The following EIF3CL variants were observed in gnomAD, a reference collection of about 807,000 sequenced individuals.
The protein encoded by EIF3CL is eukaryotic translation initiation factor 3 subunit C-like protein.
For missense variants in EIF3CL, 5 were observed against 56.1 expected, an observed-to-expected ratio of 0.09 and a Z score of 2.91; for synonymous variants, 2 against 19.6, an observed-to-expected ratio of 0.10 and a Z score of 2.37.
intron 15 of EIF3CL, among the ~76,000 whole-genome samples, chr16:28,386,317 C>G (rs2045601974): frequency 2.6e-5 from 1 of 38,010 alleles, no homozygotes; most frequent in Non-Finnish European, 5.3e-5. Flanking sequence ...TTTAAATGGG[C>G]AAGAACTGAC....
chr16:28,381,177 CG>C (rs1743368552), intron 16 of EIF3CL, among the ~76,000 whole-genome samples: 1 of 69,014 alleles, frequency 1.4e-5, no homozygotes, highest in African/African-American at 9.8e-5. Flanking sequence ...CCAAGGCAGA[CG>C]GATCATCTGA....
the EIF3CL span, among the ~76,000 whole-genome samples, chr16:28,424,146 C>G: frequency 8.2e-4 from 119 of 145,050 alleles, no homozygotes; most frequent in African/African-American, 2.9e-3. Flanking sequence ...CGCCACCACA[C>G]CCAGCTAATT....
chr16:28,405,902 TACAC>T (rs534198201), upstream of EIF3CL, among the ~76,000 whole-genome samples: 2 of 61,360 alleles, frequency 3.3e-5, no homozygotes, highest in African/African-American at 5.0e-5. Context: ...CACACACACA[TACAC>T]ACACACACAC....
the EIF3CL span, among the ~76,000 whole-genome samples, chr16:28,422,091 CT>C: frequency 1.3e-5 from 1 of 76,196 alleles, no homozygotes; most frequent in Non-Finnish European, 2.9e-5. Flanking sequence ...AATGAAGTTA[CT>C]TTACAGCAGC....
At chr16:28,423,738 AC>A in the EIF3CL span, among the ~76,000 whole-genome samples, 1 of 76,862 alleles carries the variant, frequency 1.3e-5, no homozygotes, top group African/African-American at 4.0e-5. Flanking sequence ...TAGGCTTTAA[AC>A]ACCTTACATT....
At chr16:28,415,519 G>A in the EIF3CL span, among the ~76,000 whole-genome samples, 257 of 140,038 alleles carry the variant, frequency 1.8e-3, 30 homozygotes, top group African/African-American at 6.5e-3. Context: ...GGAGGCTGAG[G>A]AGGGTGGATC....
chr16:28,419,602 C>G, the EIF3CL span, among the ~76,000 whole-genome samples: 1 of 96,098 alleles, frequency 1.0e-5, no homozygotes, highest in East Asian at 2.8e-4. Context: ...ATCCTCAGGA[C>G]TTGGCGTTAA....
At chr16:28,408,065 A>G (rs1410998493), upstream of EIF3CL, among the ~76,000 whole-genome samples, 1 of 17,790 alleles carries the variant, frequency 5.6e-5, no homozygotes, top group Non-Finnish European at 1.1e-4. Flanking sequence ...TTAGCCGGGC[A>G]TGGTGGTGCA....
chr16:28,415,763 T>C, the EIF3CL span, among the ~76,000 whole-genome samples: 1 of 136,552 alleles, frequency 7.3e-6, no homozygotes, highest in Non-Finnish European at 1.6e-5. Flanking sequence ...AAAAAAAAAG[T>C]TGGAGGATTC....
chr16:28,417,945 A>G, the EIF3CL span, among the ~76,000 whole-genome samples: 2 of 135,404 alleles, frequency 1.5e-5, no homozygotes, highest in South Asian at 2.4e-4. Flanking sequence ...CAGGAGGCTG[A>G]GGCAGCAGTA....
the EIF3CL span, chr16:28,414,922 A>T: frequency 1.9e-6 from 1 of 515,080 alleles, no homozygotes; most frequent in South Asian, 1.4e-5. Flanking sequence ...CGGGTCCCCA[A>T]CTCTGAGGTC....
chr16:28,426,058 G>A, the EIF3CL span, among the ~76,000 whole-genome samples: 1 of 113,242 alleles, frequency 8.8e-6, no homozygotes, highest in Non-Finnish European at 1.9e-5. Context: ...CTCCAGCCTG[G>A]GTGACAGAGG....
At chr16:28,392,781 TC>T (rs1436819613) in intron 8 of EIF3CL, among the ~76,000 whole-genome samples, 1 of 148,028 alleles carries the variant, frequency 6.8e-6, no homozygotes, top group Non-Finnish European at 1.5e-5. Flanking sequence ...AACATTTTTT[TC>T]TTTTTTACTA....
chr16:28,423,744 T>A, the EIF3CL span, among the ~76,000 whole-genome samples: 1 of 79,602 alleles, frequency 1.3e-5, no homozygotes, highest in Non-Finnish European at 2.8e-5. Context: ...TTAAACACCT[T>A]ACATTTGCAC....
intron 15 of EIF3CL, among the ~76,000 whole-genome samples, chr16:28,387,659 A>G (rs1567239729): frequency 6.7e-6 from 1 of 149,960 alleles, no homozygotes; most frequent in East Asian, 2.2e-4. Flanking sequence ...CTGTTTAAAA[A>G]CCAGCAGTAC....
At chr16:28,415,174 C>A in the EIF3CL span, among the ~76,000 whole-genome samples, 2 of 102,972 alleles carry the variant, frequency 1.9e-5, 1 homozygote, top group East Asian at 6.2e-4. Context: ...CCCTCTCCCC[C>A]TCCCCGCCCT....
chr16:28,419,208 G>A, the EIF3CL span, among the ~76,000 whole-genome samples: 26,487 of 141,650 alleles, frequency 0.19, 1,510 homozygotes, highest in Non-Finnish European at 0.25. Flanking sequence ...GGGTTTCACC[G>A]TGTTAGCCAG....
At chr16:28,417,872 C>CAAAA in the EIF3CL span, among the ~76,000 whole-genome samples, 124 of 109,674 alleles carry the variant, frequency 1.1e-3, 1 homozygote, top group African/African-American at 3.8e-3. Context: ...TTTAGGAATG[C>CAAAA]AAAAAAAAAA....
chr16:28,418,611 A>T, the EIF3CL span, among the ~76,000 whole-genome samples: 1 of 137,944 alleles, frequency 7.2e-6, no homozygotes, highest in South Asian at 2.2e-4. Flanking sequence ...TCCAACCAGC[A>T]TATGCTAAAC....
Sources: gnomAD v4.1 joint callset for allele counts (sites outside exome capture counted in the v4.1 genomes callset) on GRCh38, gnomAD v4.1.1 for gene constraint, MANE v1.5 for transcripts, NCBI Gene and HGNC (gene_info 2026-07-23, HGNC 2026-07-21) for gene names.